The following NDUFC2 variants were observed in gnomAD, a reference collection of about 807,000 sequenced individuals.
NDUFC2 encodes the protein NADH:ubiquinone oxidoreductase subunit C2, also known as NADH dehydrogenase [ubiquinone] 1 subunit C2.
Under a neutral mutation model 10.1 loss-of-function variants are expected in NDUFC2, and 2 were observed. That is an observed-to-expected ratio of 0.20 (90% CI 0.08 to 0.62). The LOEUF (loss-of-function observed/expected upper bound fraction) is 0.62, where lower values mean the gene tolerates loss of function less well. NDUFC2 is among the 20% of genes least tolerant of loss of function. NDUFC2 has a pLI of 0.87. For synonymous variants in NDUFC2, 61 were observed against 63.6 expected, an observed-to-expected ratio of 0.96 and a Z score of 0.20; for missense variants, 156 against 159.6, an observed-to-expected ratio of 0.98 and a Z score of 0.12.
chr11:78,076,169 T>G (rs550506891), intron 1 of NDUFC2, among the ~76,000 whole-genome samples: 6 of 150,828 alleles, frequency 4.0e-5, no homozygotes, highest in Non-Finnish European at 8.8e-5. Flanking sequence ...AAAGACAGAG[T>G]CTCAGTCTGT....
At position 78,069,787 on chromosome 11, in the gene NDUFC2, G is replaced by C. The variant is rs1366024833; in HGVS notation, c.*200C>G. On this transcript the variant is annotated 3_prime_UTR_variant, in exon 3 of 3. Coordinates refer to ENST00000281031, the MANE Select transcript of NDUFC2 (RefSeq NM_004549.6). ...ACCTCATCTTAAAATCTTTCAGATG[G>C]GTGAATGGAAACTGACCATTCTCTG... 8.1e-7 allele frequency: 1 copy of C among 1,231,708 alleles called. No homozygotes were observed. Among genetic ancestry groups the C allele is most frequent in the African/African-American group, 1.5e-5 (1 of 65,682 alleles). The allele number at this position is 1,231,708 out of a possible 1,614,324, so 76.3% of individuals were successfully genotyped here. A position where few individuals can be genotyped will look rare whatever the true frequency, so the allele number is the denominator to read the frequency against.
intron 1 of NDUFC2, among the ~76,000 whole-genome samples, 169 bp from the exon 2 acceptor site, chr11:78,073,310 G>A (rs931569294): frequency 1.2e-4 from 18 of 151,594 alleles, no homozygotes; most frequent in African/African-American, 4.4e-4. Flanking sequence ...TGGCCAACAT[G>A]GTGAAACCCT....
At chr11:78,072,827 C>T (rs1163968146) in intron 2 of NDUFC2, 171 bp downstream of exon 2, 10 of 937,112 alleles carry the variant, frequency 1.1e-5, no homozygotes, top group East Asian at 2.7e-5. Context: ...CCAAAGGACA[C>T]GGAGGTAGTC....
chr11:78,069,818 G>A lies in NDUFC2; in HGVS notation c.*169C>T. On this transcript the variant is annotated 3_prime_UTR_variant, in exon 3 of 3. Coordinates refer to ENST00000281031, the MANE Select transcript of NDUFC2 (RefSeq NM_004549.6). ...TGGAAACTGACCATTCTCTGATGAT[G>A]AACTATTTTTCTTACAACAATAAAG... 7.0e-7 allele frequency: 1 copy of A among 1,425,846 alleles called. No homozygotes were observed. Among genetic ancestry groups the A allele is most frequent in the South Asian group, 1.3e-5 (1 of 78,008 alleles). The allele number at this position is 1,425,846 out of a possible 1,614,324, so 88.3% of individuals were successfully genotyped here.
chr11:78,071,548 G>C (rs571833148), intron 2 of NDUFC2, among the ~76,000 whole-genome samples: 183 of 152,084 alleles, frequency 1.2e-3, no homozygotes, highest in Non-Finnish European at 2.1e-3. Flanking sequence ...GGCTATGTGT[G>C]CCAAACCCCT....
chr11:78,078,132 T>TTA (rs1375601065), intron 1 of NDUFC2, among the ~76,000 whole-genome samples: 1 of 152,156 alleles, frequency 6.6e-6, no homozygotes, highest in Non-Finnish European at 1.5e-5. Flanking sequence ...GGTACAAGTG[T>TTA]GGTGACTCCT....
In NDUFC2 at chr11:78,079,813, A is replaced by G; in HGVS notation, c.-69T>C. The G allele has an allele frequency of 6.6e-6, 10 of 1,523,740 alleles. No individual in the cohort carries two copies. The South Asian group carries it at 1.1e-4, about 17-fold the overall frequency. 94.4% of individuals were successfully genotyped at this position (1,523,740 alleles called of 1,614,324 possible). A position where few individuals can be genotyped will look rare whatever the true frequency, so the allele number is the denominator to read the frequency against. On this transcript the variant is annotated 5_prime_UTR_variant, in exon 1 of 3. Coordinates refer to ENST00000281031, the MANE Select transcript of NDUFC2 (RefSeq NM_004549.6). ...TACAAGGAAAACCACGACGACCACT[A>G]CCCCGGCCTAAGCGGTCAGCTTTCT...
chr11:78,078,208 C>A (rs1304863447), intron 1 of NDUFC2, among the ~76,000 whole-genome samples: 1 of 152,224 alleles, frequency 6.6e-6, no homozygotes, highest in Non-Finnish European at 1.5e-5. Context: ...CAACGCCTCA[C>A]ATTGCTGACA....
chr11:78,074,984 A>G (rs1216656186), intron 1 of NDUFC2, among the ~76,000 whole-genome samples: 1 of 152,004 alleles, frequency 6.6e-6, no homozygotes, highest in Non-Finnish European at 1.5e-5. Context: ...CCAAGGCCCC[A>G]TTTTCCTAAC....
rs1380658736 is a variant in NDUFC2, at chr11:78,073,033, T to C, written c.275A>G (p.Tyr92Cys). ...YAVRDREMFG[Y>C]MKLHPEDFPE... is the part of the protein sequence containing the mutation. Reference sequence around the variant, plus strand: ...AAAATCCTCTGGATGTAATTTCATATATCCAAACATTTCACGGTCCCTCAC... The same window carrying C: ...AAAATCCTCTGGATGTAATTTCATACATCCAAACATTTCACGGTCCCTCAC... The change falls in exon 2 of 3, where the codon TAT (tyrosine) becomes TGT (cysteine). Residue 92 changes from tyrosine to cysteine, a missense_variant. Physicochemically the swap from Tyr to Cys is radical, Grantham distance 194. Coordinates refer to ENST00000281031, the MANE Select transcript of NDUFC2 (RefSeq NM_004549.6). 4 of 1,613,932 alleles carry C rather than the reference T, an allele frequency of 2.5e-6. No homozygotes were observed. The Admixed American group carries it at 5.0e-5, about 20-fold the overall frequency.
chr11:78,076,156 T>A (rs1034160620), intron 1 of NDUFC2, among the ~76,000 whole-genome samples: 3 of 152,182 alleles, frequency 2.0e-5, no homozygotes, highest in Non-Finnish European at 4.4e-5. Flanking sequence ...TTTTTTTTTT[T>A]TTAAAGACAG....
rs543590546 is a variant in NDUFC2 at position 78,077,967 on chromosome 11, G to A, written c.166+1612C>T. ...GAAAAGGGAAAACCTCGAGTCCTCA[G>A]AGGCATAAACGGACAAAGATGACTC... is the stretch of plus-strand genomic sequence containing the variant. On this transcript the variant is annotated intron_variant, in intron 1 of 2. Transcript: ENST00000281031. Among the ~76,000 whole-genome samples, 137 of 152,334 alleles carry A rather than the reference G, an allele frequency of 9.0e-4. 1 individual carries two copies. The South Asian group carries it at 0.028, about 31-fold the overall frequency.
chr11:78,072,913 A>G, intron 2 of NDUFC2, 85 bp downstream of exon 2: 2 of 1,528,846 alleles, frequency 1.3e-6, no homozygotes, highest in Non-Finnish European at 8.8e-7. Context: ...TTTAGAAGGT[A>G]TCTAAAGCCA....
At chr11:78,074,284 T>C (rs926732175) in intron 1 of NDUFC2, among the ~76,000 whole-genome samples, 6 of 151,738 alleles carry the variant, frequency 4.0e-5, no homozygotes, top group African/African-American at 1.2e-4. Context: ...TGAACAGCCT[T>C]GGGCAATTCA....
At chr11:78,073,222 T>G in intron 1 of NDUFC2, 81 bp from the exon 2 acceptor site, 1 of 1,600,572 alleles carries the variant, frequency 6.2e-7, no homozygotes, top group Non-Finnish European at 8.5e-7. Flanking sequence ...CTGGACGCAG[T>G]GGCTCACACC....
intron 2 of NDUFC2, among the ~76,000 whole-genome samples, chr11:78,072,409 C>G (rs936226747): frequency 6.6e-6 from 1 of 152,194 alleles, no homozygotes; most frequent in Non-Finnish European, 1.5e-5. Context: ...AACTCCTGAC[C>G]TCAGGTGATC....
Position 78,073,778 on chromosome 11 carries a change from G to A in NDUFC2, c.167-637C>T, listed in dbSNP as rs551744373. On this transcript the variant is annotated intron_variant, in intron 1 of 2. Coordinates refer to ENST00000281031, the MANE Select transcript of NDUFC2 (RefSeq NM_004549.6). ...GATCGCGCCGTTGCACTCCAGCCTG[G>A]GGGACGGAGTGAGGCTCTGTCTCAA... is the stretch of plus-strand genomic sequence containing the variant. 3.5e-3 allele frequency among the ~76,000 whole-genome samples: 510 copies of A among 146,984 alleles called. 3 individuals are homozygous for A. The highest frequency in any genetic ancestry group is 6.6e-3 in the East Asian group (33 of 4,970).
intron 2 of NDUFC2, among the ~76,000 whole-genome samples, chr11:78,071,663 A>G (rs1859013718): frequency 6.6e-6 from 1 of 152,224 alleles, no homozygotes; most frequent in East Asian, 1.9e-4. Context: ...ACAGGTGAGA[A>G]AAGTTATATT....
chr11:78,078,643 C>T (rs1859352077), intron 1 of NDUFC2, among the ~76,000 whole-genome samples: 1 of 151,648 alleles, frequency 6.6e-6, no homozygotes, highest in Admixed American at 6.6e-5. Flanking sequence ...CTATTCAAAC[C>T]GTGGTCCTCA....
Sources: gnomAD v4.1 joint callset for allele counts (sites outside exome capture counted in the v4.1 genomes callset) on GRCh38, gnomAD v4.1.1 for gene constraint, MANE v1.5 for transcripts, NCBI Gene and HGNC (gene_info 2026-07-23, HGNC 2026-07-21) for gene names.